PLCZ1: variants seen among roughly 807,000 people sequenced by gnomAD.
The protein encoded by PLCZ1 is phospholipase C zeta 1.
PLCZ1 carries 64 observed loss-of-function variants against 76.8 expected under a neutral mutation model. The observed-to-expected ratio is 0.83, with a 90% CI of 0.68 to 1.03. The LOEUF is 1.03. PLCZ1 is among the 50% of genes least tolerant of loss of function. PLCZ1 has a pLI of 0.00. For synonymous variants in PLCZ1, 248 were observed against 230.8 expected (o/e 1.07, Z -0.68); for missense variants, 751 against 713.7 (o/e 1.05, Z -0.60).
chr12:18,690,708 T>A (rs149804485), intron 12 of PLCZ1, among the ~76,000 whole-genome samples: 1 of 152,212 alleles, frequency 6.6e-6, no homozygotes, highest in African/African-American at 2.4e-5. Flanking sequence ...CAAAAAGACA[T>A]GATTCCTAAG....
At chr12:18,688,341 G>T in intron 12 of PLCZ1, 123 bp from the exon 13 acceptor site, 1 of 983,336 alleles carries the variant, frequency 1.0e-6, no homozygotes, top group Non-Finnish European at 1.5e-6. Context: ...CACAAACATT[G>T]AAAGTGGAAT....
the PLCZ1 span, among the ~76,000 whole-genome samples, chr12:18,662,084 A>G: frequency 1.8e-4 from 27 of 152,140 alleles, no homozygotes; most frequent in Non-Finnish European, 2.8e-4. Context: ...TTGAGTACAC[A>G]TGGACACAAA....
the PLCZ1 span, among the ~76,000 whole-genome samples, chr12:18,670,939 T>C: frequency 6.6e-6 from 1 of 151,998 alleles, no homozygotes; most frequent in Non-Finnish European, 1.5e-5. Context: ...TCCCAACACT[T>C]TGGGAGGCTG....
chr12:18,659,503 G>A, the PLCZ1 span, among the ~76,000 whole-genome samples: 1 of 151,960 alleles, frequency 6.6e-6, no homozygotes, highest in Non-Finnish European at 1.5e-5. Context: ...TCAAAATCAG[G>A]AAATTACATA....
intron 14 of PLCZ1, chr12:18,683,734 G>C (rs571831703): frequency 2.4e-6 from 2 of 817,536 alleles, no homozygotes; most frequent in East Asian, 5.8e-5. Context: ...CCCTGAAAAG[G>C]GGTCAGGAAA....
rs567378928 is a variant in PLCZ1 at position 18,721,472 on chromosome 12, T to C, written c.367+1839A>G. 9.2e-5 allele frequency among the ~76,000 whole-genome samples: 14 copies of C among 152,146 alleles called. No homozygotes were observed. The South Asian group carries it at 1.2e-3, about 14-fold the overall frequency. ...GAGGAAATGGATGAACAGTATAATA[T>C]TGTAGTTAAAATGCAAACACAATTC... On this transcript the variant is annotated intron_variant, in intron 4 of 14. Transcript: ENST00000266505.
rs940912518 is a variant in PLCZ1 at position 18,737,509 on chromosome 12, T to C, written c.-138A>G. 2 of 1,210,790 alleles carry C rather than the reference T, an allele frequency of 1.7e-6. No homozygotes were observed. Among genetic ancestry groups the C allele is most frequent in the South Asian group, 2.5e-5 (2 of 79,224 alleles). The allele number at this position is 1,210,790 out of a possible 1,614,324, so 75.0% of individuals were successfully genotyped here. A position where few individuals can be genotyped will look rare whatever the true frequency, so the allele number is the denominator to read the frequency against. On this transcript the variant is annotated splice_region_variant and 5_prime_UTR_variant, in exon 2 of 15. Coordinates refer to ENST00000266505, the MANE Select transcript of PLCZ1 (RefSeq NM_033123.4). The stretch of plus-strand genomic sequence containing the variant: ...GATACTCATCAGCTGTTACCACTTT[T>C]CTAGGGAGAAAGCAGAGAACACACA...
intron 5 of PLCZ1, 29 bp from the exon 6 acceptor site, chr12:18,713,015 T>A: frequency 6.2e-7 from 1 of 1,613,282 alleles, no homozygotes; most frequent in Non-Finnish European, 8.5e-7. Context: ...AATAAAATGT[T>A]ACTCCTGGAC....
At chr12:18,671,199 A>AG in the PLCZ1 span, among the ~76,000 whole-genome samples, 3 of 151,640 alleles carry the variant, frequency 2.0e-5, no homozygotes, top group African/African-American at 2.4e-5. Flanking sequence ...AAAAAAAAAA[A>AG]AAAGAAAGAA....
At chr12:18,706,405 C>T (rs539114417) in intron 6 of PLCZ1, among the ~76,000 whole-genome samples, 3 of 152,218 alleles carry the variant, frequency 2.0e-5, no homozygotes, top group African/African-American at 7.2e-5. Flanking sequence ...ACATTATTAA[C>T]ACTGATGAGT....
chr12:18,701,804 T>TA (rs1208219053), intron 7 of PLCZ1, 28 bp from the exon 8 acceptor site: 1 of 1,574,368 alleles, frequency 6.4e-7, no homozygotes, highest in Non-Finnish European at 8.6e-7. Context: ...GAGATACAAT[T>TA]ACACATTTAC....
downstream of PLCZ1, chr12:18,683,176 G>T: frequency 7.4e-7 from 1 of 1,351,938 alleles, no homozygotes; most frequent in Non-Finnish European, 1.1e-6. Flanking sequence ...AAAACATAAA[G>T]ACATTCATTT....
the PLCZ1 span, among the ~76,000 whole-genome samples, chr12:18,654,655 T>C: frequency 2.0e-5 from 3 of 152,172 alleles, no homozygotes; most frequent in Non-Finnish European, 4.4e-5. Flanking sequence ...AAGAGAGGAC[T>C]TATTAAAGGG....
At chr12:18,647,401 G>A in the PLCZ1 span, among the ~76,000 whole-genome samples, 2 of 150,510 alleles carry the variant, frequency 1.3e-5, no homozygotes, top group Non-Finnish European at 2.9e-5. Context: ...ACAGCATCAT[G>A]CAATATACCT....
At position 18,712,832 on chromosome 12, in the gene PLCZ1, A is replaced by T. The variant is rs1240600549; in HGVS notation, c.714+10T>A. 6.2e-7 allele frequency: 1 copy of T among 1,613,336 alleles called. No homozygotes were observed. Among genetic ancestry groups the T allele is most frequent in the Non-Finnish European group, 8.5e-7 (1 of 1,179,326 alleles). The stretch of plus-strand genomic sequence containing the variant: ...TAAATAGCTACAGTTGAACAAAGAT[A>T]TGTACATACCATGAATGCATACTTG... On this transcript the variant is annotated intron_variant, in intron 6 of 14. Transcript: ENST00000266505.
intron 12 of PLCZ1, chr12:18,692,906 A>G: frequency 6.3e-7 from 1 of 1,599,190 alleles, no homozygotes; most frequent in Non-Finnish European, 8.6e-7. Flanking sequence ...CAAAGGGACC[A>G]GATGCTGCCA....
chr12:18,647,559 G>T, the PLCZ1 span, among the ~76,000 whole-genome samples: 12 of 151,906 alleles, frequency 7.9e-5, no homozygotes, highest in East Asian at 1.4e-3. Flanking sequence ...TATTTATGGG[G>T]TATAAAAGGT....
chr12:18,684,360 T>C (rs1952778945), intron 13 of PLCZ1, 81 bp from the exon 14 acceptor site: 1 of 1,387,808 alleles, frequency 7.2e-7, no homozygotes, highest in South Asian at 1.3e-5. Context: ...TCTCCAAACT[T>C]TTTCTTTTCA....
At chr12:18,720,341 T>C (rs918820031) in intron 4 of PLCZ1, among the ~76,000 whole-genome samples, 3 of 151,974 alleles carry the variant, frequency 2.0e-5, no homozygotes, top group Admixed American at 2.0e-4. Flanking sequence ...AAATGTCTTT[T>C]AGTGCAAATA....
Sources: gnomAD v4.1 joint callset for allele counts (sites outside exome capture counted in the v4.1 genomes callset) on GRCh38, gnomAD v4.1.1 for gene constraint, MANE v1.5 for transcripts, NCBI Gene and HGNC (gene_info 2026-07-23, HGNC 2026-07-21) for gene names.